Variants in TAFA1 observed in about 807,000 individuals in gnomAD.
The protein encoded by TAFA1 is chemokine-like protein TAFA-1.
TAFA1 carries 4 observed loss-of-function variants against 18.5 expected under a neutral mutation model. The observed-to-expected ratio is 0.22, with a 90% CI of 0.11 to 0.49. The LOEUF (loss-of-function observed/expected upper bound fraction) is 0.49. TAFA1 is among the 20% of genes least tolerant of loss of function. The pLI is 0.98. For synonymous variants in TAFA1, 56 were observed against 55.2 expected (o/e 1.01, Z -0.06); for missense variants, 147 against 169.0 (o/e 0.87, Z 0.72).
intron 2 of TAFA1, among the ~76,000 whole-genome samples, chr3:68,018,508 TA>T (rs1479636756): frequency 2.6e-5 from 4 of 152,152 alleles, no homozygotes; most frequent in South Asian, 4.1e-4. Context: ...TTGCACCTCC[TA>T]GGGGCGGAGG....
At position 68,189,620 on chromosome 3, in the gene TAFA1, G is replaced by A. The variant is rs113013443; in HGVS notation, c.118+182876G>A. On this transcript the variant is annotated intron_variant, in intron 2 of 4. Transcript: ENST00000478136. ...GTACTCAGTCAAGAAAGGGAGCAAGGTGAGAAGTATAGTGGGTAAGTTCTC... is the reference window on the plus strand; with the variant it reads ...GTACTCAGTCAAGAAAGGGAGCAAGATGAGAAGTATAGTGGGTAAGTTCTC... 2.7e-3 allele frequency among the ~76,000 whole-genome samples: 403 copies of A among 151,938 alleles called. 3 individuals are homozygous for A. Among genetic ancestry groups the A allele is most frequent in the Admixed American group, 5.6e-3 (86 of 15,238 alleles).
At chr3:67,999,285 C>CTG (rs373368779), upstream of TAFA1, among the ~76,000 whole-genome samples, 67 of 4,732 alleles carry the variant, frequency 0.014, no homozygotes, top group African/African-American at 0.021. Context: ...CCCCCCCTCT[C>CTG]TCTGTGTGTG....
At chr3:68,285,223 A>C (rs534803680) in intron 2 of TAFA1, among the ~76,000 whole-genome samples, 1 of 152,356 alleles carries the variant, frequency 6.6e-6, no homozygotes, top group South Asian at 2.1e-4. Flanking sequence ...GAATAGGCAA[A>C]ACCAATCTAT....
intron 2 of TAFA1, among the ~76,000 whole-genome samples, chr3:68,336,357 C>T (rs1163642732): frequency 6.6e-6 from 1 of 152,106 alleles, no homozygotes; most frequent in Non-Finnish European, 1.5e-5. Context: ...ATCCTCCTAA[C>T]TGACTTTTCT....
chr3:68,010,922 A>C (rs989620824), intron 2 of TAFA1, among the ~76,000 whole-genome samples: 7 of 152,170 alleles, frequency 4.6e-5, no homozygotes, highest in African/African-American at 1.7e-4. Flanking sequence ...ATGAAAACTC[A>C]AAAGTGGTGT....
chr3:68,198,040 G>T (rs2066432762), intron 2 of TAFA1, among the ~76,000 whole-genome samples: 1 of 151,684 alleles, frequency 6.6e-6, no homozygotes, highest in African/African-American at 2.4e-5. Context: ...ATGAATGAAT[G>T]AATTGGGGTA....
intron 2 of TAFA1, among the ~76,000 whole-genome samples, chr3:68,410,705 CAAAAAAAAAAAAAAAAA>C (rs34714719): frequency 5.5e-5 from 2 of 36,650 alleles, no homozygotes; most frequent in Non-Finnish European, 9.7e-5. Flanking sequence ...TTTCCATAAG[CAAAAAAAAAAAAAAAAA>C]AAAAAAAAAA....
intron 3 of TAFA1, among the ~76,000 whole-genome samples, chr3:68,418,908 G>A (rs2070898450): frequency 6.6e-6 from 1 of 152,072 alleles, no homozygotes; most frequent in South Asian, 2.1e-4. Context: ...AAAACATTAT[G>A]TCACAGTTTC....
In TAFA1 at chr3:68,025,718, TC is replaced by T. The variant is rs530140115; in HGVS notation, c.118+18978del. On this transcript the variant is annotated intron_variant, in intron 2 of 4. Transcript: ENST00000478136. ...GCTCTTGCTCTGTTTGGAATGCTCTTCCCCAGATGTCTACGTGATATACGTT... is the reference window on the plus strand; with the variant it reads ...GCTCTTGCTCTGTTTGGAATGCTCTTCCCAGATGTCTACGTGATATACGTT... Among the ~76,000 whole-genome samples the T allele has an allele frequency of 2.6e-3, 389 of 152,252 alleles. 1 individual carries two copies. Among genetic ancestry groups the T allele is most frequent in the African/African-American group, 8.9e-3 (371 of 41,558 alleles).
At chr3:68,363,337 G>C (rs1404157179) in intron 2 of TAFA1, among the ~76,000 whole-genome samples, 1 of 152,144 alleles carries the variant, frequency 6.6e-6, no homozygotes, top group East Asian at 1.9e-4. Context: ...TGGGTCCTGG[G>C]TTGCACCTTT....
At chr3:68,489,938 G>GA (rs1393485648) in intron 3 of TAFA1, among the ~76,000 whole-genome samples, 1 of 152,116 alleles carries the variant, frequency 6.6e-6, no homozygotes, top group African/African-American at 2.4e-5. Flanking sequence ...TTACTTAAAT[G>GA]AAAAATTGAC....
At chr3:68,436,765 A>C (rs920475484) in intron 3 of TAFA1, among the ~76,000 whole-genome samples, 9 of 152,156 alleles carry the variant, frequency 5.9e-5, no homozygotes, top group Admixed American at 5.2e-4. Context: ...GATTAAGTCA[A>C]CATAGAGCTT....
In TAFA1 at chr3:68,363,724, A is replaced by G. The variant is rs17047586; in HGVS notation, c.119-53556A>G. Among the ~76,000 whole-genome samples, 1,641 of 152,316 alleles carry G rather than the reference A, an allele frequency of 0.011. 86 individuals are homozygous for G. In the East Asian group the frequency reaches 0.16, roughly 15 times the overall value. ...TCATCCCGGTTCTTTTTAAAGAAGTAAATCATTATGCATTGGCTCATTTTC... is the reference window on the plus strand; with the variant it reads ...TCATCCCGGTTCTTTTTAAAGAAGTGAATCATTATGCATTGGCTCATTTTC... On this transcript the variant is annotated intron_variant, in intron 2 of 4. Transcript: ENST00000478136.
At chr3:68,128,837 G>C (rs1559531175) in intron 2 of TAFA1, among the ~76,000 whole-genome samples, 4 of 152,184 alleles carry the variant, frequency 2.6e-5, no homozygotes, top group Non-Finnish European at 1.5e-5. Context: ...AGAAGAAAGA[G>C]AGAAAAGGAA....
intron 2 of TAFA1, among the ~76,000 whole-genome samples, chr3:68,267,115 T>G (rs2067563150): frequency 6.6e-6 from 1 of 152,198 alleles, no homozygotes; most frequent in African/African-American, 2.4e-5. Context: ...GTCAAGTTTA[T>G]TCCGACTCAT....
chr3:68,170,897 C>G (rs1401210797), intron 2 of TAFA1, among the ~76,000 whole-genome samples: 1 of 151,932 alleles, frequency 6.6e-6, no homozygotes, highest in East Asian at 1.9e-4. Context: ...TACACACACA[C>G]AAATATATAC....
intron 2 of TAFA1, among the ~76,000 whole-genome samples, chr3:68,187,118 C>T (rs2066280742): frequency 6.6e-6 from 1 of 151,764 alleles, no homozygotes; most frequent in Middle Eastern, 3.2e-3. Context: ...TTCATTTTAC[C>T]TGTTATTATT....
intron 2 of TAFA1, among the ~76,000 whole-genome samples, chr3:68,089,339 T>C (rs1025579127): frequency 6.6e-6 from 1 of 152,232 alleles, no homozygotes; most frequent in African/African-American, 2.4e-5. Context: ...TTCAGCACAC[T>C]GGCTGTTATG....
At position 68,499,446 on chromosome 3, in the gene TAFA1, C is replaced by T. The variant is rs1040460721; in HGVS notation, c.260-39310C>T. ...GTTTTCTTTCTTTCTGTGTTCCTTT[C>T]TTTTTTTTTTTTTTTTTTGAGAAGA... is the stretch of plus-strand genomic sequence containing the variant. On this transcript the variant is annotated intron_variant, in intron 3 of 4. Coordinates refer to ENST00000478136, the MANE Select transcript of TAFA1 (RefSeq NM_213609.4). Among the ~76,000 whole-genome samples the T allele has an allele frequency of 5.2e-3, 582 of 112,010 alleles. 14 individuals carry two copies. The highest frequency in any genetic ancestry group is 0.023 in the South Asian group (78 of 3,460). 73.5% of individuals were successfully genotyped at this position (112,010 alleles called of 152,430 possible). A position where few individuals can be genotyped will look rare whatever the true frequency, so the allele number is the denominator to read the frequency against.
Sources: allele counts gnomAD v4.1 joint callset (sites outside exome capture counted in the v4.1 genomes callset), GRCh38; gene constraint gnomAD v4.1.1; transcripts MANE v1.5; gene names NCBI Gene and HGNC (gene_info 2026-07-23, HGNC 2026-07-21).